PTPRD: variants seen among roughly 807,000 people sequenced by gnomAD.
PTPRD encodes the protein protein tyrosine phosphatase receptor type D.
Under a neutral mutation model 214.5 loss-of-function variants are expected in PTPRD, and 34 were observed. The ratio of observed to expected loss-of-function variants is 0.16; its 90% CI spans 0.12 to 0.21. The LOEUF is 0.21. Among genes scored for constraint, PTPRD ranks in the 10% least tolerant of loss-of-function variants. The probability of loss-of-function intolerance (pLI) is 1.00; values close to 1 mark genes in which losing one functional copy is unlikely to be tolerated. For missense variants in PTPRD, 2,545 were observed against 2,398.7 expected (o/e 1.06, Z -1.27); for synonymous variants, 1,128 against 845.7 (o/e 1.33, Z -5.79).
At chr9:9,805,011 G>C (rs991631622) in intron 5 of PTPRD, among the ~76,000 whole-genome samples, 3 of 151,980 alleles carry the variant, frequency 2.0e-5, no homozygotes, top group African/African-American at 7.2e-5. Flanking sequence ...AGATTATATA[G>C]TGCAATTATG....
chr9:9,787,420 TAAA>T (rs34947415), intron 5 of PTPRD, among the ~76,000 whole-genome samples: 26 of 131,402 alleles, frequency 2.0e-4, no homozygotes, highest in South Asian at 1.2e-3. Context: ...GTCAACTATG[TAAA>T]AAAAAAAAAA....
At chr9:9,265,593 G>A (rs192906062) in intron 9 of PTPRD, among the ~76,000 whole-genome samples, 393 of 151,428 alleles carry the variant, frequency 2.6e-3, no homozygotes, top group Non-Finnish European at 3.7e-3. Context: ...ATGTATCTAG[G>A]GAGATGAAAA....
rs547801943 is a variant in PTPRD at position 9,551,290 on chromosome 9, G to C, written c.-237+23442C>G. ...AAATCTTATAAAGCTGACAAACGGA[G>C]GTCAAAACCTTACAAGCTTTAGAAA... On this transcript the variant is annotated intron_variant, in intron 8 of 45. Transcript: ENST00000381196. 7.9e-5 allele frequency among the ~76,000 whole-genome samples: 12 copies of C among 151,732 alleles called. 1 individual carries two copies. Among genetic ancestry groups the C allele is most frequent in the Admixed American group, 4.6e-4 (7 of 15,184 alleles).
At chr9:8,560,339 T>C (rs2085674974) in intron 14 of PTPRD, among the ~76,000 whole-genome samples, 1 of 151,902 alleles carries the variant, frequency 6.6e-6, no homozygotes, top group Non-Finnish European at 1.5e-5. Flanking sequence ...ACTTTGTTGA[T>C]AACAAGGCCA....
intron 2 of PTPRD, among the ~76,000 whole-genome samples, chr9:10,589,894 A>C (rs1018675974): frequency 6.6e-6 from 1 of 152,118 alleles, no homozygotes; most frequent in African/African-American, 2.4e-5. Flanking sequence ...GAAGGCTAAG[A>C]AATGCATAAG....
At chr9:9,046,468 A>C (rs2099672413) in intron 10 of PTPRD, among the ~76,000 whole-genome samples, 1 of 152,164 alleles carries the variant, frequency 6.6e-6, no homozygotes, top group Non-Finnish European at 1.5e-5. Context: ...AATTCAGGAT[A>C]TATCTGGAAA....
chr9:10,487,734 G>T (rs1009218300), intron 2 of PTPRD, among the ~76,000 whole-genome samples: 3 of 151,864 alleles, frequency 2.0e-5, no homozygotes, highest in African/African-American at 4.8e-5. Flanking sequence ...GAACTTAGAG[G>T]ACAAATTGAT....
intron 13 of PTPRD, 120 bp downstream of exon 13, chr9:8,636,578 TG>T: frequency 8.2e-7 from 1 of 1,219,354 alleles, no homozygotes; most frequent in African/African-American, 1.5e-5. Context: ...TCACTTGCAA[TG>T]TAAGGAATAC....
intron 11 of PTPRD, among the ~76,000 whole-genome samples, chr9:8,909,655 C>T (rs779349852): frequency 9.2e-5 from 14 of 151,810 alleles, no homozygotes; most frequent in Admixed American, 6.6e-4. Context: ...ATGATGAAAA[C>T]GGAATGCTTT....
intron 11 of PTPRD, among the ~76,000 whole-genome samples, chr9:8,914,070 A>T (rs2098767552): frequency 6.6e-6 from 1 of 152,166 alleles, no homozygotes; most frequent in African/African-American, 2.4e-5. Flanking sequence ...ACGTACTAAA[A>T]TTGAAAGTCA....
chr9:9,468,298 T>C (rs977351173), intron 8 of PTPRD, among the ~76,000 whole-genome samples: 2 of 152,074 alleles, frequency 1.3e-5, no homozygotes, highest in African/African-American at 4.8e-5. Flanking sequence ...AAGTTTATAA[T>C]ATTGTCTTTG....
intron 3 of PTPRD, among the ~76,000 whole-genome samples, chr9:10,103,873 T>A (rs1007991804): frequency 6.6e-6 from 1 of 151,656 alleles, no homozygotes; most frequent in Admixed American, 6.6e-5. Flanking sequence ...GACAGCACCA[T>A]TCTTCACAAT....
chr9:10,237,344 T>C (rs1564709652), intron 3 of PTPRD, among the ~76,000 whole-genome samples: 1 of 151,980 alleles, frequency 6.6e-6, no homozygotes, highest in African/African-American at 2.4e-5. Flanking sequence ...ATCATTGTTA[T>C]GCTGAATTAA....
At chr9:9,859,021 G>A (rs1347865184) in intron 5 of PTPRD, among the ~76,000 whole-genome samples, 1 of 152,148 alleles carries the variant, frequency 6.6e-6, no homozygotes, top group Non-Finnish European at 1.5e-5. Context: ...CCTATTGGGA[G>A]GTGATTGGAT....
chr9:10,357,018 A>G (rs1329132905), intron 2 of PTPRD, among the ~76,000 whole-genome samples: 1 of 152,166 alleles, frequency 6.6e-6, no homozygotes, highest in East Asian at 1.9e-4. Flanking sequence ...GGCACCACCA[A>G]TATTTGTGTA....
intron 8 of PTPRD, among the ~76,000 whole-genome samples, chr9:9,541,101 G>T (rs568711474): frequency 6.6e-6 from 1 of 151,746 alleles, no homozygotes; most frequent in Non-Finnish European, 1.5e-5. Context: ...GAAATACACG[G>T]TAGACCTCAA....
At chr9:8,579,419 C>A (rs758704648) in intron 14 of PTPRD, among the ~76,000 whole-genome samples, 16 of 152,122 alleles carry the variant, frequency 1.1e-4, no homozygotes, top group Non-Finnish European at 1.9e-4. Flanking sequence ...GTTTTAAATA[C>A]CTTGGGTCAA....
intron 5 of PTPRD, among the ~76,000 whole-genome samples, chr9:9,930,317 C>T (rs981311724): frequency 6.6e-6 from 1 of 152,096 alleles, no homozygotes; most frequent in African/African-American, 2.4e-5. Context: ...AAATAGAACA[C>T]ACACAGAGAA....
At chr9:9,157,149 T>C (rs1178619048) in intron 10 of PTPRD, among the ~76,000 whole-genome samples, 2 of 152,188 alleles carry the variant, frequency 1.3e-5, no homozygotes, top group African/African-American at 4.8e-5. Context: ...GACAGAAATT[T>C]ATAGCAATAA....
Sources: gnomAD v4.1 joint callset for allele counts (sites outside exome capture counted in the v4.1 genomes callset) on GRCh38, gnomAD v4.1.1 for gene constraint, MANE v1.5 for transcripts, NCBI Gene and HGNC (gene_info 2026-07-23, HGNC 2026-07-21) for gene names.